SORBS2: variants seen among roughly 807,000 people sequenced by gnomAD.
SORBS2 encodes sorbin and SH3 domain-containing protein 2.
A neutral mutation model predicts 97.7 loss-of-function variants in SORBS2; 46 were observed. The ratio of observed to expected loss-of-function variants is 0.47; its 90% CI spans 0.37 to 0.60. SORBS2 has a LOEUF of 0.60. Among genes scored for constraint, SORBS2 ranks in the 20% least tolerant of loss-of-function variants. The pLI, the probability that SORBS2 is intolerant of heterozygous loss-of-function variation, is 0.00. For synonymous variants in SORBS2, 476 were observed against 473.4 expected (o/e 1.01, Z -0.07); for missense variants, 1,316 against 1,282.3 (o/e 1.03, Z -0.40).
At chr4:185,634,205 T>C (rs1451832415) in intron 4 of SORBS2, among the ~76,000 whole-genome samples, 2 of 152,168 alleles carry the variant, frequency 1.3e-5, no homozygotes, top group Non-Finnish European at 2.9e-5. Flanking sequence ...TAATTTGAAA[T>C]TGCAAGTTGA....
intron 1 of SORBS2, among the ~76,000 whole-genome samples, chr4:185,851,426 G>C (rs6828112): frequency 6.6e-6 from 1 of 151,912 alleles, no homozygotes. Context: ...ATTGACTCAC[G>C]GTCATCTCTA....
At chr4:185,910,165 C>A (rs1479123136) in intron 1 of SORBS2, among the ~76,000 whole-genome samples, 1 of 152,032 alleles carries the variant, frequency 6.6e-6, no homozygotes, top group African/African-American at 2.4e-5. Flanking sequence ...CACAAATGAC[C>A]CTGTGTCCTG....
intron 1 of SORBS2, among the ~76,000 whole-genome samples, chr4:185,906,065 G>A (rs559401439): frequency 3.9e-5 from 6 of 152,022 alleles, no homozygotes; most frequent in African/African-American, 1.4e-4. Flanking sequence ...ACGGAGTCTC[G>A]CTCTGTGGCC....
At chr4:185,943,487 A>C (rs572386199) in intron 1 of SORBS2, among the ~76,000 whole-genome samples, 336 of 152,314 alleles carry the variant, frequency 2.2e-3, no homozygotes, top group Non-Finnish European at 4.0e-3. Context: ...GTAAGAAGTA[A>C]TTTCTAGTTA....
chr4:185,906,685 G>A (rs559389226), intron 1 of SORBS2, among the ~76,000 whole-genome samples: 74 of 152,290 alleles, frequency 4.9e-4, no homozygotes, highest in African/African-American at 1.7e-3. Context: ...GATTCCATAC[G>A]TATCTCGGAC....
At chr4:185,855,752 G>T (rs762809934) in intron 1 of SORBS2, among the ~76,000 whole-genome samples, 1 of 152,090 alleles carries the variant, frequency 6.6e-6, no homozygotes, top group Non-Finnish European at 1.5e-5. Flanking sequence ...AACTTATTAC[G>T]CACCAAAGTC....
chr4:185,788,019 G>A (rs1278994607), intron 1 of SORBS2, among the ~76,000 whole-genome samples: 1 of 152,208 alleles, frequency 6.6e-6, no homozygotes, highest in East Asian at 1.9e-4. Flanking sequence ...CATGGCGCAG[G>A]CAGCATGTTC....
chr4:185,716,093 A>G (rs2098463068), intron 2 of SORBS2, among the ~76,000 whole-genome samples: 1 of 152,258 alleles, frequency 6.6e-6, no homozygotes, highest in East Asian at 1.9e-4. Context: ...AAAGTATTTC[A>G]TAACGAAGGC....
intron 1 of SORBS2, among the ~76,000 whole-genome samples, chr4:185,950,836 G>A (rs1313772851): frequency 1.3e-5 from 2 of 152,196 alleles, no homozygotes; most frequent in African/African-American, 2.4e-5. Context: ...TGGGGTTGAG[G>A]GAAGGAGCTT....
chr4:185,737,174 T>C (rs1429050156), intron 2 of SORBS2, among the ~76,000 whole-genome samples: 1 of 152,200 alleles, frequency 6.6e-6, no homozygotes, highest in African/African-American at 2.4e-5. Context: ...CCTTACTGTT[T>C]TCAAGGCAAG....
intron 2 of SORBS2, among the ~76,000 whole-genome samples, chr4:185,714,279 G>A (rs924203147): frequency 5.9e-5 from 9 of 152,174 alleles, no homozygotes; most frequent in Non-Finnish European, 1.0e-4. Context: ...ATATTTTGCA[G>A]CAGTGTCTTG....
intron 1 of SORBS2, chr4:185,918,609 G>GC (rs2149910796): frequency 6.6e-6 from 1 of 152,284 alleles, no homozygotes; most frequent in Non-Finnish European, 1.5e-5. Flanking sequence ...CCTCACGGTG[G>GC]CCCCCATGGC....
exon 9 of SORBS2, chr4:185,618,607 C>T: frequency 6.5e-7 from 1 of 1,539,388 alleles, no homozygotes. Context: ...GCCTTAAAAT[C>T]ATAAACAGCT....
At chr4:185,879,115 G>A (rs910851118) in intron 1 of SORBS2, among the ~76,000 whole-genome samples, 1 of 144,380 alleles carries the variant, frequency 6.9e-6, no homozygotes, top group Non-Finnish European at 1.5e-5. Flanking sequence ...TTGGTGTGCT[G>A]CACCCATTAA....
chr4:185,637,914 A>G (rs181144491), intron 4 of SORBS2, among the ~76,000 whole-genome samples, 165 bp downstream of exon 15: 2 of 152,288 alleles, frequency 1.3e-5, no homozygotes, highest in East Asian at 3.9e-4. Context: ...ACATTTGACC[A>G]TTTGGTACAG....
At chr4:185,635,440 A>G (rs746486124) in intron 4 of SORBS2, 29 bp from the exon 16 acceptor site, 10 of 1,570,970 alleles carry the variant, frequency 6.4e-6, no homozygotes, top group Non-Finnish European at 8.8e-6. Flanking sequence ...CAGAAGCAGA[A>G]GTGTAGGGAT....
chr4:185,734,476 T>A (rs774727167), intron 2 of SORBS2, among the ~76,000 whole-genome samples: 97 of 152,176 alleles, frequency 6.4e-4, no homozygotes, highest in Non-Finnish European at 1.6e-4. Context: ...AGCCTCATGG[T>A]TGGTTTTGCT....
chr4:185,913,110 C>T lies in SORBS2; in HGVS notation c.-338+43086G>A, dbSNP rs907146377. Among the ~76,000 whole-genome samples the T allele has an allele frequency of 6.6e-4, 101 of 152,298 alleles. 1 individual carries two copies. Among genetic ancestry groups the T allele is most frequent in the African/African-American group, 2.4e-3 (99 of 41,560 alleles). The stretch of plus-strand genomic sequence containing the variant: ...CATCTGAACGGCAGTTCAAAAGCTA[C>T]CAGCAACTTTAAAAATGCACAAGGA... On this transcript the variant is annotated intron_variant, in intron 1 of 20. Coordinates refer to the SORBS2 transcript ENST00000284776.
intron 2 of SORBS2, chr4:185,773,759 AAAG>A (rs2098985421): frequency 6.6e-6 from 1 of 152,252 alleles, no homozygotes. Context: ...TTGGGGTGGG[AAAG>A]AAGAAGGGAA....
Sources: gnomAD v4.1 joint callset for allele counts (sites outside exome capture counted in the v4.1 genomes callset) on GRCh38, gnomAD v4.1.1 for gene constraint, MANE v1.5 for transcripts, NCBI Gene and HGNC (gene_info 2026-07-23, HGNC 2026-07-21) for gene names.